The following DGKB variants were observed in gnomAD, a reference collection of about 807,000 sequenced individuals.
DGKB encodes diacylglycerol kinase beta, also known as 90 kDa diacylglycerol kinase.
Under a neutral mutation model 114.3 loss-of-function variants are expected in DGKB, and 67 were observed. The ratio of observed to expected loss-of-function variants is 0.59; its 90% CI spans 0.48 to 0.72. The LOEUF (loss-of-function observed/expected upper bound fraction) is 0.72. DGKB is among the 30% of genes least tolerant of loss of function. DGKB has a pLI of 0.00. For missense variants in DGKB, 907 were observed against 975.2 expected (o/e 0.93, Z 0.93); for synonymous variants, 398 against 323.1 (o/e 1.23, Z -2.49).
chr7:14,885,991 A>G (rs1028489178), intron 1 of DGKB, among the ~76,000 whole-genome samples: 9 of 151,956 alleles, frequency 5.9e-5, no homozygotes, highest in African/African-American at 2.2e-4. Context: ...TTTGAGCAAG[A>G]ACATGGGAAA....
chr7:14,636,368 C>A (rs1810753739), intron 13 of DGKB, among the ~76,000 whole-genome samples: 1 of 151,720 alleles, frequency 6.6e-6, no homozygotes, highest in East Asian at 1.9e-4. Flanking sequence ...TCTCAATGTA[C>A]ACTTATTCAA....
At chr7:14,227,324 C>A (rs1371685563) in intron 23 of DGKB, among the ~76,000 whole-genome samples, 1 of 152,054 alleles carries the variant, frequency 6.6e-6, no homozygotes, top group Non-Finnish European at 1.5e-5. Flanking sequence ...GGAAAGTAAT[C>A]TTTTCCTACA....
In DGKB at chr7:14,758,916, G is replaced by GATAC. The variant is rs1562462263; in HGVS notation, c.71-1186_71-1185insGTAT. On this transcript the variant is annotated intron_variant, in intron 2 of 25. Transcript: ENST00000402815. ...AGATAGATAGATAGATAGATAGATA[G>GATAC]ATAGATAGATAGATAGATACATAGA... Among the ~76,000 whole-genome samples the GATAC allele has an allele frequency of 3.8e-4, 56 of 148,562 alleles. 1 individual carries two copies. Among genetic ancestry groups the GATAC allele is most frequent in the East Asian group, 3.5e-3 (18 of 5,078 alleles).
intron 2 of DGKB, among the ~76,000 whole-genome samples, chr7:14,833,407 T>C (rs910374846): frequency 2.0e-5 from 3 of 152,118 alleles, no homozygotes; most frequent in African/African-American, 7.2e-5. Context: ...TGTTTGTTTT[T>C]ATGTTTATGT....
chr7:14,413,569 G>T (rs758813350), intron 21 of DGKB, among the ~76,000 whole-genome samples: 2 of 152,032 alleles, frequency 1.3e-5, no homozygotes, highest in Non-Finnish European at 2.9e-5. Flanking sequence ...CAAGTCTTGA[G>T]GTATTCCAGG....
chr7:14,919,742 A>G (rs1784424560), intron 1 of DGKB, among the ~76,000 whole-genome samples: 1 of 152,186 alleles, frequency 6.6e-6, no homozygotes, highest in South Asian at 2.1e-4. Context: ...TGTTAGGGTC[A>G]TGGGGTGTAT....
rs1358918170 is a variant in DGKB at position 14,438,759 on chromosome 7, T to A, written c.1835+39402A>T. On this transcript the variant is annotated intron_variant, in intron 21 of 25. Coordinates refer to ENST00000402815, the MANE Select transcript of DGKB (RefSeq NM_001350709.2). ...AGTAAGTGTTGGCAGCAAGAATAGG[T>A]TTCAATCCAACAATACATTTCTAAA... 4.6e-5 allele frequency among the ~76,000 whole-genome samples: 7 copies of A among 152,202 alleles called. No homozygotes were observed. In the East Asian group the frequency reaches 1.4e-3, roughly 29 times the overall value.
chr7:14,711,965 A>G (rs1827427787), intron 6 of DGKB, among the ~76,000 whole-genome samples: 1 of 152,216 alleles, frequency 6.6e-6, no homozygotes, highest in Non-Finnish European at 1.5e-5. Flanking sequence ...CACCTATACA[A>G]CTACTACCAT....
intron 20 of DGKB, among the ~76,000 whole-genome samples, chr7:14,513,585 AT>A (rs1000058246): frequency 8.6e-5 from 13 of 151,998 alleles, no homozygotes; most frequent in African/African-American, 3.1e-4. Flanking sequence ...TTAAAACAAA[AT>A]TTTTTAATAC....
Position 14,297,780 on chromosome 7 carries a change from C to T in DGKB, c.2122+40735G>A, listed in dbSNP as rs575991363. ...AAATCAAATTGTCTCTGGCTGCAGACGACATGATTGTTTATTTAGAAAACC... is the reference window on the plus strand; with the variant it reads ...AAATCAAATTGTCTCTGGCTGCAGATGACATGATTGTTTATTTAGAAAACC... On this transcript the variant is annotated intron_variant, in intron 23 of 25. Coordinates refer to ENST00000402815, the MANE Select transcript of DGKB (RefSeq NM_001350709.2). Among the ~76,000 whole-genome samples, 214 of 152,148 alleles carry T rather than the reference C, an allele frequency of 1.4e-3. 1 individual carries two copies. The highest frequency in any genetic ancestry group is 4.6e-3 in the African/African-American group (191 of 41,522).
chr7:14,962,554 A>G (rs1786908709), intron 1 of DGKB, among the ~76,000 whole-genome samples: 1 of 152,012 alleles, frequency 6.6e-6, no homozygotes, highest in Admixed American at 6.6e-5. Context: ...AATGTAATGA[A>G]ATATCTACCT....
chr7:14,626,269 T>A (rs1005981089), intron 14 of DGKB, among the ~76,000 whole-genome samples: 1 of 152,174 alleles, frequency 6.6e-6, no homozygotes, highest in Admixed American at 6.5e-5. Flanking sequence ...GGTTTTCTTC[T>A]TTTTGTCCAA....
rs527583112 is a variant in DGKB at position 14,293,738 on chromosome 7, C to A, written c.2122+44777G>T. 3.9e-5 allele frequency among the ~76,000 whole-genome samples: 6 copies of A among 152,254 alleles called. No individual in the cohort carries two copies. The South Asian group carries it at 1.2e-3, about 32-fold the overall frequency. Reference sequence around the variant, plus strand: ...ATGCCTATAATCCATCCTTCACAGGCTAGATGGAGTTTACTTTTAAAAACT... The same window carrying A: ...ATGCCTATAATCCATCCTTCACAGGATAGATGGAGTTTACTTTTAAAAACT... On this transcript the variant is annotated intron_variant, in intron 23 of 25. Transcript: ENST00000402815.
In DGKB at chr7:14,740,942, G is replaced by A. The variant is rs143592162; in HGVS notation, c.169-4748C>T. 7.9e-5 allele frequency among the ~76,000 whole-genome samples: 12 copies of A among 152,246 alleles called. No individual in the cohort carries two copies. The South Asian group carries it at 8.3e-4, about 11-fold the overall frequency. ...TCTCTCTCATGTACCCTGGGCATTC[G>A]ATAGGAAGAGAAAGGAACCAGGGAT... is the stretch of plus-strand genomic sequence containing the variant. On this transcript the variant is annotated intron_variant, in intron 4 of 25. Transcript: ENST00000402815.
intron 23 of DGKB, among the ~76,000 whole-genome samples, chr7:14,291,330 G>A (rs1048538791): frequency 1.3e-5 from 2 of 152,066 alleles, no homozygotes; most frequent in African/African-American, 4.8e-5. Context: ...GTTAAGTATA[G>A]GGAGATGAAA....
chr7:14,318,836 A>G (rs1243854045), intron 23 of DGKB, among the ~76,000 whole-genome samples: 3 of 152,154 alleles, frequency 2.0e-5, no homozygotes, highest in Non-Finnish European at 4.4e-5. Flanking sequence ...GCACATGCAC[A>G]CGTATGTTTA....
intron 13 of DGKB, among the ~76,000 whole-genome samples, chr7:14,653,514 G>T (rs541633253): frequency 1.3e-5 from 2 of 152,106 alleles, no homozygotes; most frequent in Admixed American, 1.3e-4. Flanking sequence ...GTGGGGTGGG[G>T]GTAGGGGGGA....
chr7:14,723,569 A>G (rs577686421), intron 5 of DGKB, among the ~76,000 whole-genome samples: 11 of 149,652 alleles, frequency 7.4e-5, no homozygotes, highest in South Asian at 4.2e-4. Flanking sequence ...GTGTATATAT[A>G]TGTGTGTGTG....
intron 2 of DGKB, among the ~76,000 whole-genome samples, chr7:14,764,775 A>G (rs1315618861): frequency 1.3e-5 from 2 of 151,882 alleles, no homozygotes; most frequent in Non-Finnish European, 2.9e-5. Flanking sequence ...AAAAAACCTC[A>G]TGAGAACATT....
Sources: gnomAD v4.1 joint callset for allele counts (sites outside exome capture counted in the v4.1 genomes callset) on GRCh38, gnomAD v4.1.1 for gene constraint, MANE v1.5 for transcripts, NCBI Gene and HGNC (gene_info 2026-07-23, HGNC 2026-07-21) for gene names.